Variants in DGKB observed in about 807,000 individuals in gnomAD.
DGKB encodes 90 kDa diacylglycerol kinase.
In DGKB, 67 loss-of-function variants were observed where a neutral mutation model predicts 114.3. That is an observed-to-expected ratio of 0.59 (90% confidence interval 0.48 to 0.72). The LOEUF (loss-of-function observed/expected upper bound fraction) is 0.72, where lower values mean the gene tolerates loss of function less well. Among genes scored for constraint, DGKB ranks in the 30% least tolerant of loss-of-function variants. The pLI, the probability that DGKB is intolerant of heterozygous loss-of-function variation, is 0.00. For synonymous variants in DGKB, 398 were observed against 323.1 expected (o/e 1.23, Z -2.49); for missense variants, 907 against 975.2 (o/e 0.93, Z 0.93).
rs548449352 is a variant in DGKB, at chr7:14,258,727, C to A, written c.2122+79788G>T. Among the ~76,000 whole-genome samples the A allele has an allele frequency of 2.0e-5, 3 of 152,018 alleles. No homozygotes were observed. The South Asian group carries it at 6.2e-4, about 32-fold the overall frequency. On this transcript the variant is annotated intron_variant, in intron 23 of 25. Transcript: ENST00000402815. ...TACAGCAGGAACTTGGTCTTTGGTG[C>A]AAAAAGGAACAGACTTTTCACAGTT...
At chr7:14,943,795 GGAAT>G (rs1456580484) in intron 1 of DGKB, among the ~76,000 whole-genome samples, 15 of 151,704 alleles carry the variant, frequency 9.9e-5, no homozygotes, top group South Asian at 2.1e-4. Context: ...AAAATAAAAT[GGAAT>G]GAATATTAAA....
chr7:14,642,571 T>A (rs189592007), intron 13 of DGKB, among the ~76,000 whole-genome samples: 2 of 152,266 alleles, frequency 1.3e-5, no homozygotes, highest in Admixed American at 1.3e-4. Context: ...AAGGTCTCAG[T>A]AACCACAAAA....
intron 14 of DGKB, among the ~76,000 whole-genome samples, chr7:14,625,818 C>T (rs546742167): frequency 2.0e-5 from 3 of 152,102 alleles, no homozygotes; most frequent in African/African-American, 7.2e-5. Context: ...GAACATATAA[C>T]TACAAAATAT....
chr7:14,887,910 T>C (rs1365388742), intron 1 of DGKB, among the ~76,000 whole-genome samples: 2 of 151,748 alleles, frequency 1.3e-5, no homozygotes, highest in African/African-American at 4.8e-5. Context: ...ATAATATCAA[T>C]CACTGTCGCT....
chr7:14,620,157 A>G (rs1014580902), intron 15 of DGKB, among the ~76,000 whole-genome samples: 1 of 151,508 alleles, frequency 6.6e-6, no homozygotes, highest in Non-Finnish European at 1.5e-5. Context: ...ACATATGGAT[A>G]TGAGTTCCAA....
chr7:14,863,963 G>C (rs1391647329), intron 1 of DGKB, among the ~76,000 whole-genome samples: 1 of 151,966 alleles, frequency 6.6e-6, no homozygotes, highest in Non-Finnish European at 1.5e-5. Flanking sequence ...GCCAGGCGTG[G>C]TGGCACATGC....
At chr7:14,228,908 T>G (rs180811672) in intron 23 of DGKB, among the ~76,000 whole-genome samples, 1 of 53,742 alleles carries the variant, frequency 1.9e-5, no homozygotes, top group East Asian at 7.7e-4. Flanking sequence ...GTGTGTGTGT[T>G]CAAAAATAAT....
chr7:14,170,720 T>C (rs1052095439), intron 25 of DGKB, among the ~76,000 whole-genome samples: 1 of 152,150 alleles, frequency 6.6e-6, no homozygotes, highest in Non-Finnish European at 1.5e-5. Flanking sequence ...AAACAAAAAA[T>C]GTAATAAGCT....
chr7:14,345,080 C>A (rs1812257394), intron 22 of DGKB, among the ~76,000 whole-genome samples: 1 of 150,908 alleles, frequency 6.6e-6, no homozygotes, highest in South Asian at 2.1e-4. Flanking sequence ...ACTTCTCATT[C>A]TTTTATACTA....
chr7:14,221,935 T>C (rs1279933883), intron 23 of DGKB, among the ~76,000 whole-genome samples: 4 of 151,380 alleles, frequency 2.6e-5, no homozygotes, highest in African/African-American at 9.7e-5. Flanking sequence ...TTATCTGATG[T>C]AGTGGCATTA....
At chr7:14,251,069 A>G (rs968833568) in intron 23 of DGKB, among the ~76,000 whole-genome samples, 1 of 152,070 alleles carries the variant, frequency 6.6e-6, no homozygotes, top group African/African-American at 2.4e-5. Flanking sequence ...TGGATACTGT[A>G]TTTTTATCCA....
At chr7:14,651,260 G>T (rs565401076) in intron 13 of DGKB, among the ~76,000 whole-genome samples, 51 of 152,210 alleles carry the variant, frequency 3.4e-4, no homozygotes, top group Admixed American at 5.9e-4. Context: ...TAAAATACTG[G>T]CAAACCGAAT....
intron 23 of DGKB, among the ~76,000 whole-genome samples, chr7:14,321,372 A>G (rs1156972867): frequency 6.6e-6 from 1 of 152,198 alleles, no homozygotes; most frequent in Non-Finnish European, 1.5e-5. Flanking sequence ...GATGAAAAAC[A>G]ATAATTTTAT....
At chr7:14,936,815 T>G (rs985162089) in intron 1 of DGKB, among the ~76,000 whole-genome samples, 3 of 152,088 alleles carry the variant, frequency 2.0e-5, no homozygotes, top group Admixed American at 6.5e-5. Flanking sequence ...TTTCTAGGAA[T>G]GTGAACCTTG....
At chr7:14,441,149 C>T (rs1310054411) in intron 21 of DGKB, among the ~76,000 whole-genome samples, 2 of 152,018 alleles carry the variant, frequency 1.3e-5, no homozygotes, top group East Asian at 1.9e-4. Context: ...GCTGGGATTA[C>T]AGGTGTGCAC....
At chr7:14,664,782 CT>C (rs768560119) in intron 13 of DGKB, among the ~76,000 whole-genome samples, 3 of 151,916 alleles carry the variant, frequency 2.0e-5, no homozygotes, top group Non-Finnish European at 4.4e-5. Flanking sequence ...TATTTAACCT[CT>C]TTGGATGCTT....
chr7:14,256,586 A>ATGTT (rs1323177790), intron 23 of DGKB, among the ~76,000 whole-genome samples: 9 of 152,168 alleles, frequency 5.9e-5, no homozygotes, highest in Admixed American at 4.6e-4. Context: ...TCTGTTTTAC[A>ATGTT]TGTTTTAAAA....
chr7:14,560,974 G>A (rs1796574768), intron 20 of DGKB, among the ~76,000 whole-genome samples: 1 of 152,024 alleles, frequency 6.6e-6, no homozygotes, highest in Admixed American at 6.6e-5. Context: ...ATATATACTG[G>A]TTCATTATTT....
chr7:14,473,365 A>G (rs557100325), intron 21 of DGKB, among the ~76,000 whole-genome samples: 9 of 152,294 alleles, frequency 5.9e-5, no homozygotes, highest in Non-Finnish European at 8.8e-5. Context: ...GCATAGCAGT[A>G]AAGAACTGGG....
Sources: gnomAD v4.1 joint callset for allele counts (sites outside exome capture counted in the v4.1 genomes callset) on GRCh38, gnomAD v4.1.1 for gene constraint, MANE v1.5 for transcripts, NCBI Gene and HGNC (gene_info 2026-07-23, HGNC 2026-07-21) for gene names.